Variants in GDF1 observed in about 807,000 individuals in gnomAD.
GDF1 encodes the protein embryonic growth/differentiation factor 1.
In GDF1, 8 loss-of-function variants were observed where a neutral mutation model predicts 7.4. The observed-to-expected ratio is 1.09, with a 90% CI of 0.64 to 1.96. The LOEUF is 1.96. Among genes scored for constraint, GDF1 ranks in the 30% most tolerant of loss-of-function variants. GDF1 has a pLI of 0.00. For synonymous variants in GDF1, 311 were observed against 276.7 expected (o/e 1.12, Z -1.23); for missense variants, 574 against 551.5 (o/e 1.04, Z -0.41).
chr19:18,870,425 ACTGGAGGCAGG>A lies in GDF1; in HGVS notation c.-129_-119del. On this transcript the variant is annotated 5_prime_UTR_variant, in exon 7 of 8. Transcript: ENST00000247005. The surrounding 1 kb of genome is among the most constrained non-coding windows in gnomAD (Gnocchi z 5.1). ...GGGGTCCTGGGGGGCGTGGCCGGGAACTGGAGGCAGGATGAGGGGGCGGGGTCCCAGGGGAG... is the reference window on the plus strand; with the variant it reads ...GGGGTCCTGGGGGGCGTGGCCGGGAAATGAGGGGGCGGGGTCCCAGGGGAG... 2 of 1,140,092 alleles carry A rather than the reference ACTGGAGGCAGG, an allele frequency of 1.8e-6. No individual in the cohort carries two copies. The highest frequency in any genetic ancestry group is 2.5e-6 in the Non-Finnish European group (2 of 799,988). The allele number at this position is 1,140,092 out of a possible 1,614,324, so 70.6% of individuals were successfully genotyped here. A position where few individuals can be genotyped will look rare whatever the true frequency, so the allele number is the denominator to read the frequency against.
intron 2 of GDF1, among the ~76,000 whole-genome samples, chr19:18,886,391 T>C (rs1403730529): frequency 6.6e-6 from 1 of 151,878 alleles, no homozygotes; most frequent in East Asian, 1.9e-4. Flanking sequence ...CTACTAAAAA[T>C]ACAAAAAATT....
chr19:18,876,005 G>A (rs1184809769), intron 6 of GDF1, among the ~76,000 whole-genome samples: 1 of 152,230 alleles, frequency 6.6e-6, no homozygotes, highest in Non-Finnish European at 1.5e-5. Flanking sequence ...TCACAAGCTT[G>A]TGTTCCTTTT....
Position 18,878,080 on chromosome 19 carries a change from G to A in GDF1, c.-313+850C>T. ...CTCCCGTTCCAAAAAACGTCACGGA[G>A]CTCTGAGCCACTGCTTCCCTGAAAC... On this transcript the variant is annotated intron_variant, in intron 6 of 7. Coordinates refer to ENST00000247005, the MANE Select transcript of GDF1 (RefSeq NM_001492.6). This position sits in a 1 kb window ranked among gnomAD's most constrained non-coding sequence, Gnocchi z 4.6. 6.1e-6 allele frequency: 6 copies of A among 985,536 alleles called. No homozygotes were observed. The highest frequency in any genetic ancestry group is 6.0e-6 in the Non-Finnish European group (5 of 830,002). 61.0% of individuals were successfully genotyped at this position (985,536 alleles called of 1,614,324 possible). A position where few individuals can be genotyped will look rare whatever the true frequency, so the allele number is the denominator to read the frequency against.
rs2055942911 is a variant in GDF1 at position 18,870,229 on chromosome 19, T to G, written c.79A>C (p.Thr27Pro). 6.5e-7 allele frequency: 1 copy of G among 1,545,562 alleles called. No homozygotes were observed. Among genetic ancestry groups the G allele is most frequent in the East Asian group, 2.4e-5 (1 of 42,282 alleles). ...GGGCCTGGGGGCACGGGGGCGCGGG[T>G]CAGGGGCAGCGAGGGCAGCAGCAGG... ...LALLLPSLPL[T>P]RAPVPPGPAA... The change falls in exon 7 of 8, where the codon ACC becomes CCC. Residue 27 changes from threonine to proline, a missense_variant. Thr to Pro is a conservative substitution (Grantham distance 38, BLOSUM62 -1). Transcript: ENST00000247005. This position sits in a 1 kb window ranked among gnomAD's most constrained non-coding sequence, Gnocchi z 5.1.
At chr19:18,893,302 A>G (rs1012276132) in intron 2 of GDF1, 114 bp downstream of exon 2, 32 of 1,239,200 alleles carry the variant, frequency 2.6e-5, no homozygotes, top group Admixed American at 5.0e-5. Context: ...TTGGCCTCCA[A>G]CTCCTGGGCT....
chr19:18,878,659 C>T lies in GDF1; in HGVS notation c.-313+271G>A. The T allele has an allele frequency of 5.5e-6, 7 of 1,280,948 alleles. No individual in the cohort carries two copies. Among genetic ancestry groups the T allele is most frequent in the Non-Finnish European group, 6.0e-6 (6 of 1,005,132 alleles). 79.3% of individuals were successfully genotyped at this position (1,280,948 alleles called of 1,614,324 possible). On this transcript the variant is annotated intron_variant, in intron 6 of 7. Coordinates refer to ENST00000247005, the MANE Select transcript of GDF1 (RefSeq NM_001492.6). The surrounding 1 kb of genome is among the most constrained non-coding windows in gnomAD (Gnocchi z 4.6). ...CACTCCCGCCACACCAGCCACTAGG[C>T]CTGGCCCTCAGTGTCCCTACCGCTG...
At chr19:18,890,824 G>T (rs2056472637) in intron 2 of GDF1, among the ~76,000 whole-genome samples, 1 of 145,336 alleles carries the variant, frequency 6.9e-6, no homozygotes, top group Admixed American at 7.1e-5. Flanking sequence ...GCAAGTCCAT[G>T]CCCAAAATGT....
intron 7 of GDF1, among the ~76,000 whole-genome samples, chr19:18,869,753 G>A (rs2055930263): frequency 6.6e-6 from 1 of 152,086 alleles, no homozygotes; most frequent in Non-Finnish European, 1.5e-5. Context: ...GGTGGGGACA[G>A]GGCTTCAGCA....
At chr19:18,876,536 T>G (rs948972735) in intron 6 of GDF1, among the ~76,000 whole-genome samples, 2 of 143,276 alleles carry the variant, frequency 1.4e-5, no homozygotes, top group Admixed American at 7.0e-5. Context: ...TTTGATTGGG[T>G]TGTGTGTGTG....
intron 2 of GDF1, among the ~76,000 whole-genome samples, 183 bp from the exon 3 acceptor site, chr19:18,884,450 C>G (rs571813722): frequency 1.1e-3 from 173 of 151,784 alleles, no homozygotes; most frequent in Admixed American, 1.5e-3. Context: ...ACGGAGTCTC[C>G]CTCTGTCGCC....
In GDF1 at chr19:18,868,614, C is replaced by A. The variant is rs369804280; in HGVS notation, c.1102G>T (p.Glu368Ter). The change falls in exon 8 of 8, where the codon GAG becomes TAG. Residue 368 changes from glutamate (E) to a stop codon, truncating the protein, a stop_gained. Transcript: ENST00000247005. LOFTEE classifies it high-confidence loss of function. ...GCCCCGGGTTAGCGGCAGCCGCACT[C>A]GTCCACCACCATGTCCTCATACTGC... ...LRQYEDMVVD[E>*]CGCR 1 of 1,564,268 alleles carries A rather than the reference C, an allele frequency of 6.4e-7. No individual in the cohort carries two copies. Among genetic ancestry groups the A allele is most frequent in the East Asian group, 2.4e-5 (1 of 42,124 alleles).
At position 18,893,465 on chromosome 19, in the gene GDF1, C is replaced by T; in HGVS notation, c.-963G>A. 1 of 1,607,070 alleles carries T rather than the reference C, an allele frequency of 6.2e-7. No homozygotes were observed. Among genetic ancestry groups the T allele is most frequent in the Non-Finnish European group, 8.5e-7 (1 of 1,177,028 alleles). ...GGAAGAAGGGGTAGTCGGTGCCAAA[C>T]AGCAGGTAGGCACTGTAGCTCCAGC... On this transcript the variant is annotated 5_prime_UTR_variant, in exon 2 of 8. Coordinates refer to ENST00000247005, the MANE Select transcript of GDF1 (RefSeq NM_001492.6).
At chr19:18,869,515 G>A in intron 7 of GDF1, 125 bp from the exon 8 acceptor site, 14 of 1,233,210 alleles carry the variant, frequency 1.1e-5, no homozygotes, top group South Asian at 1.5e-5. Context: ...GGAAGGGTGT[G>A]AAGCGGCGGG....
intron 2 of GDF1, among the ~76,000 whole-genome samples, chr19:18,891,474 G>C (rs1601188104): frequency 6.6e-6 from 1 of 152,168 alleles, no homozygotes; most frequent in Admixed American, 6.6e-5. Context: ...TGCCAGGACA[G>C]GTCACACAGA....
At chr19:18,873,432 C>G (rs566057841) in intron 6 of GDF1, among the ~76,000 whole-genome samples, 38 of 152,146 alleles carry the variant, frequency 2.5e-4, no homozygotes, top group Non-Finnish European at 5.3e-4. Context: ...CGCAGTGGCT[C>G]ACGCCTGTAA....
chr19:18,895,742 G>A lies in GDF1; in HGVS notation c.-1074+82C>T. On this transcript the variant is annotated intron_variant, in intron 1 of 7. Transcript: ENST00000247005. This position sits in a 1 kb window ranked among gnomAD's most constrained non-coding sequence, Gnocchi z 6.4. Reference sequence around the variant, plus strand: ...CGCAGCAGCCAGCGCTGGAAGAAAGGAACGCGCCGGCGGCCCCAGGTCCCC... The same window carrying A: ...CGCAGCAGCCAGCGCTGGAAGAAAGAAACGCGCCGGCGGCCCCAGGTCCCC... 1.3e-6 allele frequency: 1 copy of A among 756,278 alleles called. No individual in the cohort carries two copies. 46.8% of individuals were successfully genotyped at this position (756,278 alleles called of 1,614,324 possible).
At chr19:18,872,583 T>C (rs1455220832) in intron 6 of GDF1, among the ~76,000 whole-genome samples, 1 of 152,074 alleles carries the variant, frequency 6.6e-6, no homozygotes, top group East Asian at 1.9e-4. Context: ...TGGCACGATC[T>C]TGGCTCACTG....
intron 2 of GDF1, among the ~76,000 whole-genome samples, chr19:18,887,702 C>A (rs2146047360): frequency 6.6e-6 from 1 of 151,268 alleles, no homozygotes; most frequent in East Asian, 1.9e-4. Context: ...CGAGATCACA[C>A]CACTGCACTC....
intron 4 of GDF1, among the ~76,000 whole-genome samples, chr19:18,879,689 C>T (rs2056150977): frequency 6.8e-6 from 1 of 147,542 alleles, no homozygotes; most frequent in Non-Finnish European, 1.5e-5. Context: ...CCACCTACCT[C>T]ACCAAACCCC....
Sources: gnomAD v4.1 joint callset for allele counts (sites outside exome capture counted in the v4.1 genomes callset) on GRCh38, gnomAD v4.1.1 for gene constraint, Gnocchi (gnomAD v3.1) non-coding constraint, MANE v1.5 for transcripts, NCBI Gene and HGNC (gene_info 2026-07-23, HGNC 2026-07-21) for gene names.